The following NACC2 variants were observed in gnomAD, a reference collection of about 807,000 sequenced individuals.
The protein encoded by NACC2 is nucleus accumbens-associated protein 2.
In NACC2, 8 loss-of-function variants were observed where a neutral mutation model predicts 25.1. The ratio of observed to expected loss-of-function variants is 0.32; its 90% CI spans 0.19 to 0.57. NACC2 has a LOEUF of 0.57. Ranked by LOEUF, NACC2 falls within the 20% of genes least tolerant of loss-of-function variation. The probability of loss-of-function intolerance (pLI) is 0.89; values close to 1 mark genes in which losing one functional copy is unlikely to be tolerated. For synonymous variants in NACC2, 435 were observed against 294.7 expected (o/e 1.48, Z -4.88); for missense variants, 644 against 650.2 (o/e 0.99, Z 0.10).
At chr9:136,038,395 C>A (rs1178279879) in intron 2 of NACC2, among the ~76,000 whole-genome samples, 4 of 152,090 alleles carry the variant, frequency 2.6e-5, no homozygotes, top group Non-Finnish European at 5.9e-5. Context: ...CAAAAATTAG[C>A]TGGGTGTGGT....
At chr9:136,023,305 C>T (rs1266572544) in intron 2 of NACC2, among the ~76,000 whole-genome samples, 4 of 151,824 alleles carry the variant, frequency 2.6e-5, no homozygotes, top group Non-Finnish European at 4.4e-5. Context: ...TTGCTCCCGA[C>T]GCGAGGGGCC....
intron 2 of NACC2, among the ~76,000 whole-genome samples, chr9:136,033,419 G>A (rs545057480): frequency 3.7e-4 from 56 of 152,120 alleles, no homozygotes; most frequent in African/African-American, 1.3e-3. Flanking sequence ...TGATGTGGGC[G>A]GATCATCTGA....
chr9:136,060,062 C>T (rs988899556), intron 1 of NACC2, among the ~76,000 whole-genome samples: 1 of 152,218 alleles, frequency 6.6e-6, no homozygotes. Context: ...GCCGGCTGCC[C>T]GCATCTGCCC....
intron 2 of NACC2, among the ~76,000 whole-genome samples, chr9:136,041,081 G>T (rs1840622211): frequency 5.3e-5 from 8 of 149,642 alleles, no homozygotes. Context: ...GGAAGGAAAG[G>T]AAGGAAGCAA....
chr9:136,073,864 G>T (rs994872397), intron 1 of NACC2, among the ~76,000 whole-genome samples: 1 of 152,172 alleles, frequency 6.6e-6, no homozygotes, highest in Non-Finnish European at 1.5e-5. Context: ...ATGCTGCCTG[G>T]TCTTGGAGTA....
At chr9:136,057,823 G>A (rs987724804) in intron 1 of NACC2, among the ~76,000 whole-genome samples, 78 of 152,336 alleles carry the variant, frequency 5.1e-4, no homozygotes, top group African/African-American at 1.8e-3. Flanking sequence ...CACTGGGGCC[G>A]GGGGTTGTGG....
chr9:136,091,133 G>A (rs775433115), intron 1 of NACC2, among the ~76,000 whole-genome samples: 1 of 152,178 alleles, frequency 6.6e-6, no homozygotes, highest in Non-Finnish European at 1.5e-5. Context: ...TTGTTCTCCC[G>A]GGAGACTCCA....
In NACC2 at chr9:136,019,763, C is replaced by T. The variant is rs1194933611; in HGVS notation, c.887-3334G>A. 6.6e-6 allele frequency among the ~76,000 whole-genome samples: 1 copy of T among 152,030 alleles called. No individual in the cohort carries two copies. Among genetic ancestry groups the T allele is most frequent in the African/African-American group, 2.4e-5 (1 of 41,394 alleles). Reference sequence around the variant, plus strand: ...ACAAGGACAAATGCTGCCCGGGGCGCGGGGTTGGGGCCTTCAGGGACCCAG... The same window carrying T: ...ACAAGGACAAATGCTGCCCGGGGCGTGGGGTTGGGGCCTTCAGGGACCCAG... On this transcript the variant is annotated intron_variant, in intron 2 of 5. Coordinates refer to ENST00000277554, the MANE Select transcript of NACC2 (RefSeq NM_144653.5). The surrounding 1 kb of genome is among the most constrained non-coding windows in gnomAD (Gnocchi z 5.2).
chr9:136,080,778 G>A (rs886357437), intron 1 of NACC2, among the ~76,000 whole-genome samples: 1 of 152,222 alleles, frequency 6.6e-6, no homozygotes, highest in African/African-American at 2.4e-5. Flanking sequence ...CCAGACCCCA[G>A]CGGAGTCACT....
intron 2 of NACC2, among the ~76,000 whole-genome samples, chr9:136,027,682 A>C (rs1015360603): frequency 1.3e-5 from 2 of 152,246 alleles, no homozygotes; most frequent in Non-Finnish European, 2.9e-5. Flanking sequence ...AATGATAATG[A>C]AAATCTGACA....
At chr9:136,046,543 G>A (rs1270412064) in intron 2 of NACC2, among the ~76,000 whole-genome samples, 9 of 152,190 alleles carry the variant, frequency 5.9e-5, no homozygotes, top group African/African-American at 1.4e-4. Context: ...AGCACTGAGC[G>A]TCCCGAGCCA....
Position 136,011,892 on chromosome 9 carries a change from A to G in NACC2, c.1388T>C (p.Val463Ala). 2 of 1,577,602 alleles carry G rather than the reference A, an allele frequency of 1.3e-6. No individual in the cohort carries two copies. Among genetic ancestry groups the G allele is most frequent in the Non-Finnish European group, 8.6e-7 (1 of 1,165,306 alleles). Residue 463 changes from valine (V) to alanine (A), a missense_variant, in exon 6 of 6, where the codon GTG becomes GCG. Transcript: ENST00000277554. ...GCCCATGACCGTGCGGTACATCTCC[A>G]CGCCCTCCGGCAGCATGGACTTGAT... ...PKIKSMLPEGVEMYRTVMGSA... is the reference protein window; with the variant it reads ...PKIKSMLPEGAEMYRTVMGSA...
intron 2 of NACC2, among the ~76,000 whole-genome samples, chr9:136,034,950 C>T (rs1230700396): frequency 3.3e-5 from 5 of 151,990 alleles, no homozygotes; most frequent in African/African-American, 4.8e-5. Flanking sequence ...AAAAATTAGC[C>T]GGGCATGGTG....
rs2131124567 is a variant in NACC2 at position 136,006,661 on chromosome 9, A to G, written c.*4855T>C. On this transcript the variant is annotated 3_prime_UTR_variant, in exon 6 of 6. Transcript: ENST00000277554. The stretch of plus-strand genomic sequence containing the variant: ...CTGAAACGGCTCTGAGCACGCTTGA[A>G]GCCCTCGGTTTCCCTGTTCGCTTTT... 1 of 152,354 alleles carries G rather than the reference A, an allele frequency of 6.6e-6. No homozygotes were observed. The highest frequency in any genetic ancestry group is 2.4e-5 in the African/African-American group (1 of 41,578). 9.4% of individuals were successfully genotyped at this position (152,354 alleles called of 1,614,324 possible).
At chr9:136,042,691 C>CACAG (rs1840653799) in intron 2 of NACC2, among the ~76,000 whole-genome samples, 1 of 149,096 alleles carries the variant, frequency 6.7e-6, no homozygotes, top group Non-Finnish European at 1.5e-5. Flanking sequence ...CATACACACA[C>CACAG]AGACACACAC....
chr9:136,042,955 GAC>G (rs1194355271), intron 2 of NACC2, among the ~76,000 whole-genome samples: 2 of 136,290 alleles, frequency 1.5e-5, no homozygotes, highest in Non-Finnish European at 3.2e-5. Flanking sequence ...GACACACACA[GAC>G]ACACAGAGAC....
chr9:136,012,130 C>T, intron 5 of NACC2, 106 bp from the exon 6 acceptor site: 1 of 1,359,550 alleles, frequency 7.4e-7, no homozygotes, highest in Non-Finnish European at 9.7e-7. Flanking sequence ...CCCGGCCGCT[C>T]CTGGGGCCCA....
At chr9:136,093,193 A>G (rs149615636) in intron 1 of NACC2, among the ~76,000 whole-genome samples, 9 of 152,328 alleles carry the variant, frequency 5.9e-5, no homozygotes, top group Non-Finnish European at 1.3e-4. Context: ...CCCACAAACC[A>G]GGAAAGCAGG....
intron 2 of NACC2, among the ~76,000 whole-genome samples, chr9:136,047,735 T>C (rs1840751691): frequency 1.3e-5 from 2 of 151,978 alleles, no homozygotes; most frequent in African/African-American, 4.8e-5. Context: ...ACAGAGCCGC[T>C]TCCTGGCTGC....
Sources: gnomAD v4.1 joint callset for allele counts (sites outside exome capture counted in the v4.1 genomes callset) on GRCh38, gnomAD v4.1.1 for gene constraint, Gnocchi (gnomAD v3.1) non-coding constraint, MANE v1.5 for transcripts, NCBI Gene and HGNC (gene_info 2026-07-23, HGNC 2026-07-21) for gene names.